The following AMY2B variants were observed in gnomAD, a reference collection of about 807,000 sequenced individuals.
AMY2B encodes the protein alpha-amylase 2B.
In AMY2B, 63 loss-of-function variants were observed where a neutral mutation model predicts 59.3. The observed-to-expected ratio is 1.06, with a 90% CI of 0.87 to 1.31. AMY2B has a LOEUF of 1.31. Ranked by LOEUF, AMY2B falls within the 50% of genes most tolerant of loss-of-function variation. AMY2B has a pLI of 0.00. For synonymous variants in AMY2B, 180 were observed against 198.1 expected (o/e 0.91, Z 0.77); for missense variants, 635 against 626.7 (o/e 1.01, Z -0.14).
upstream of AMY2B, chr1:103,568,865 G>C (rs1236967472): frequency 2.6e-5 from 4 of 151,418 alleles, no homozygotes; most frequent in African/African-American, 9.7e-5. Flanking sequence ...ATATATGTTT[G>C]TTCTCATGCT....
At chr1:103,556,569 G>T (rs1476620452) in intron 1 of AMY2B, among the ~76,000 whole-genome samples, 1 of 151,628 alleles carries the variant, frequency 6.6e-6, no homozygotes, top group Non-Finnish European at 1.5e-5. Flanking sequence ...ATATATAATA[G>T]TACTAAGTAT....
Position 103,579,511 on chromosome 1 carries a change from T to A in AMY2B, c.*11T>A, listed in dbSNP as rs767261407. On this transcript the variant is annotated 3_prime_UTR_variant, in exon 10 of 10. Transcript: ENST00000684275. Reference sequence around the variant, plus strand: ...GAATCTAAATTATAAAATTTAAAATTAAATGCATATCCTCAAAACAATAGC... The same window carrying A: ...GAATCTAAATTATAAAATTTAAAATAAAATGCATATCCTCAAAACAATAGC... 1 of 1,607,988 alleles carries A rather than the reference T, an allele frequency of 6.2e-7. No individual in the cohort carries two copies. Among genetic ancestry groups the A allele is most frequent in the Non-Finnish European group, 8.5e-7 (1 of 1,178,392 alleles).
chr1:103,557,405 C>T (rs1359453009), intron 1 of AMY2B, among the ~76,000 whole-genome samples: 1 of 152,060 alleles, frequency 6.6e-6, no homozygotes, highest in Admixed American at 6.5e-5. Context: ...AATCCCAGCA[C>T]TTTGGGAGGC....
intron 7 of AMY2B, among the ~76,000 whole-genome samples, chr1:103,577,148 G>T (rs535786979): frequency 1.3e-5 from 2 of 152,234 alleles, no homozygotes; most frequent in Admixed American, 6.5e-5. Context: ...TGAGATAGGA[G>T]GATCGCTTGA....
chr1:103,567,525 C>G (rs1158094327), upstream of AMY2B, among the ~76,000 whole-genome samples: 1 of 152,086 alleles, frequency 6.6e-6, no homozygotes, highest in Non-Finnish European at 1.5e-5. Context: ...AAATCTACTG[C>G]CTGTTTACCT....
chr1:103,573,092 T>G lies in AMY2B; in HGVS notation c.345T>G (p.Asn115Lys). 1 of 1,613,790 alleles carries G rather than the reference T, an allele frequency of 6.2e-7. No homozygotes were observed. Among genetic ancestry groups the G allele is most frequent in the Non-Finnish European group, 8.5e-7 (1 of 1,179,714 alleles). ...GTATTTATGTGGATGCTGTAATTAATCATATGTCTGGTAATGCTGTGAGTG... is the reference window on the plus strand; with the variant it reads ...GTATTTATGTGGATGCTGTAATTAAGCATATGTCTGGTAATGCTGTGAGTG... ...GVRIYVDAVI[N>K]HMSGNAVSAG... The change falls in exon 3 of 10, where the codon AAT becomes AAG. Residue 115 changes from asparagine to lysine, a missense_variant. Asn to Lys is a moderately conservative substitution (Grantham distance 94). Transcript: ENST00000684275.
chr1:103,561,411 G>C (rs963597888), intron 1 of AMY2B, among the ~76,000 whole-genome samples: 1 of 152,052 alleles, frequency 6.6e-6, no homozygotes, highest in African/African-American at 2.4e-5. Flanking sequence ...GGGATTACAG[G>C]TGCCAGATAC....
In AMY2B at chr1:103,577,777, T is replaced by G; in HGVS notation, c.1278T>G (p.Asp426Glu). 1 of 1,608,568 alleles carries G rather than the reference T, an allele frequency of 6.2e-7. No individual in the cohort carries two copies. Reference sequence around the variant, plus strand: ...GCCAGCCTTTTACAAACTGGTATGATAATGGGAGCAACCAAGTGGCTTTTG... The same window carrying G: ...GCCAGCCTTTTACAAACTGGTATGAGAATGGGAGCAACCAAGTGGCTTTTG... ...VDGQPFTNWY[D>E]NGSNQVAFGR... Residue 426 changes from aspartate to glutamate, a missense_variant, in exon 9 of 10, where the codon GAT becomes GAG. Physicochemically the swap from Asp to Glu is conservative, Grantham distance 45 (BLOSUM62 2). Coordinates refer to ENST00000684275, the MANE Select transcript of AMY2B (RefSeq NM_001387437.1).
intron 1 of AMY2B, among the ~76,000 whole-genome samples, chr1:103,562,346 T>G (rs1329203166): frequency 6.6e-6 from 1 of 152,190 alleles, no homozygotes; most frequent in Non-Finnish European, 1.5e-5. Flanking sequence ...GTGCTTTCTT[T>G]TCTCTAACCT....
At chr1:103,575,898 A>C (rs1418286264) in intron 7 of AMY2B, 2 of 190,950 alleles carry the variant, frequency 1.0e-5, no homozygotes, top group Non-Finnish European at 2.2e-5. Context: ...TAGAGAACTT[A>C]AAACATCATC....
At chr1:103,557,914 C>T (rs767270437) in intron 1 of AMY2B, among the ~76,000 whole-genome samples, 4 of 152,144 alleles carry the variant, frequency 2.6e-5, no homozygotes, top group East Asian at 1.9e-4. Flanking sequence ...GTCTTGCTAT[C>T]GAAGGAAAGG....
At position 103,577,813 on chromosome 1, in the gene AMY2B, CAG is replaced by C; in HGVS notation, c.1317_1318del (p.Gly440IlefsTer7). 3 of 1,604,822 alleles carry C rather than the reference CAG, an allele frequency of 1.9e-6. No homozygotes were observed. Among genetic ancestry groups the C allele is most frequent in the Non-Finnish European group, 8.5e-7 (1 of 1,179,732 alleles). On this transcript the variant is annotated frameshift_variant, in exon 9 of 10. Transcript: ENST00000684275. LOFTEE classifies it high-confidence loss of function. ...ACCAAGTGGCTTTTGGGAGAGGAAA[CAG>C]AGGATTCATTGTTTTCAACAATGAT... ...SNQVAFGRGN[R>X]GFIVFNNDDW... is the part of the protein sequence containing the mutation.
At chr1:103,575,181 G>C (rs1200911057) in intron 5 of AMY2B, 42 bp from the exon 6 acceptor site, 1 of 1,611,408 alleles carries the variant, frequency 6.2e-7, no homozygotes, top group Admixed American at 1.7e-5. Flanking sequence ...GCAAACTATT[G>C]TGAAATGATA....
At chr1:103,556,055 A>AT (rs1477430381) in intron 1 of AMY2B, among the ~76,000 whole-genome samples, 6 of 152,150 alleles carry the variant, frequency 3.9e-5, no homozygotes, top group Admixed American at 6.5e-5. Flanking sequence ...AGCATGTCAA[A>AT]TTTTTGTTAT....
chr1:103,555,454 CTTTT>C (rs1651519425), intron 1 of AMY2B, among the ~76,000 whole-genome samples: 1 of 151,620 alleles, frequency 6.6e-6, no homozygotes, highest in Non-Finnish European at 1.5e-5. Flanking sequence ...TTTTACTGGG[CTTTT>C]GGTTTTTTGG....
intron 2 of AMY2B, 29 bp downstream of exon 2, chr1:103,572,285 T>C: frequency 6.2e-7 from 1 of 1,603,864 alleles, no homozygotes; most frequent in Non-Finnish European, 8.5e-7. Context: ...CCTTGAAAAA[T>C]AACAGATAGG....
chr1:103,563,792 T>C (rs1271236296), intron 1 of AMY2B, among the ~76,000 whole-genome samples: 1 of 152,118 alleles, frequency 6.6e-6, no homozygotes, highest in Non-Finnish European at 1.5e-5. Context: ...GAAAAGTATA[T>C]TTCAAAACTA....
chr1:103,562,881 C>T (rs542352685), intron 1 of AMY2B, among the ~76,000 whole-genome samples: 1 of 151,842 alleles, frequency 6.6e-6, no homozygotes, highest in Non-Finnish European at 1.5e-5. Flanking sequence ...TTATTTAAGT[C>T]AAGGCTTTGG....
At chr1:103,557,150 G>GCACACA (rs746677345) in intron 1 of AMY2B, among the ~76,000 whole-genome samples, 8 of 148,128 alleles carry the variant, frequency 5.4e-5, no homozygotes, top group South Asian at 2.1e-4. Flanking sequence ...GTGCGCGCGC[G>GCACACA]CACACACACA....
Sources: gnomAD v4.1 joint callset for allele counts (sites outside exome capture counted in the v4.1 genomes callset) on GRCh38, gnomAD v4.1.1 for gene constraint, MANE v1.5 for transcripts, NCBI Gene and HGNC (gene_info 2026-07-23, HGNC 2026-07-21) for gene names.